AIMP1: variants seen among roughly 807,000 people sequenced by gnomAD.
AIMP1 encodes the protein aminoacyl tRNA synthase complex-interacting multifunctional protein 1.
Under a neutral mutation model 33.1 loss-of-function variants are expected in AIMP1, and 24 were observed. That is an observed-to-expected ratio of 0.73 (90% CI 0.53 to 1.02). The LOEUF is 1.02. AIMP1 is among the 50% of genes least tolerant of loss of function. AIMP1 has a pLI of 0.00. For synonymous variants in AIMP1, 120 were observed against 121.5 expected, an observed-to-expected ratio of 0.99 and a Z score of 0.08; for missense variants, 367 against 364.8, an observed-to-expected ratio of 1.01 and a Z score of -0.05.
chr4:106,321,053 T>C (rs748736016), intron 1 of AIMP1, among the ~76,000 whole-genome samples: 5 of 152,202 alleles, frequency 3.3e-5, no homozygotes, highest in Non-Finnish European at 7.3e-5. Context: ...CAGTGCTCAA[T>C]GTTGCCCATG....
At chr4:106,339,744 G>A (rs974363741) in intron 6 of AIMP1, among the ~76,000 whole-genome samples, 1 of 152,190 alleles carries the variant, frequency 6.6e-6, no homozygotes, top group African/African-American at 2.4e-5. Flanking sequence ...CTCTTATGCT[G>A]TAGATTGTCT....
rs1325753902 is a variant in AIMP1 at position 106,331,827 on chromosome 4, G to T, written c.547G>T (p.Glu183Ter). ...SLYVEEVDVG[E>*]IAPRTVVSGL... ...GTATGTGGAAGAAGTAGATGTCGGA[G>T]AAATAGCCCCAAGGACAGTTGTCAG... Residue 183 changes from glutamate (E) to a stop codon, truncating the protein, a stop_gained, in exon 5 of 7, where the codon GAA becomes TAA. Transcript: ENST00000672341. LOFTEE classifies it high-confidence loss of function. 1 of 1,614,128 alleles carries T rather than the reference G, an allele frequency of 6.2e-7. No homozygotes were observed. The highest frequency in any genetic ancestry group is 2.2e-5 in the East Asian group (1 of 44,866).
Position 106,331,825 on chromosome 4 carries a change from G to C in AIMP1, c.545G>C (p.Gly182Ala), listed in dbSNP as rs1461032552. Residue 182 changes from glycine (G) to alanine (A), a missense_variant, in exon 5 of 7, where the codon GGA becomes GCA. Transcript: ENST00000672341. ...TTGTATGTGGAAGAAGTAGATGTCG[G>C]AGAAATAGCCCCAAGGACAGTTGTC... ...DSLYVEEVDV[G>A]EIAPRTVVSG... 6.2e-7 allele frequency: 1 copy of C among 1,614,006 alleles called. No homozygotes were observed. The highest frequency in any genetic ancestry group is 1.3e-5 in the African/African-American group (1 of 74,912).
At chr4:106,333,666 T>C (rs1274550523) in intron 5 of AIMP1, among the ~76,000 whole-genome samples, 1 of 152,204 alleles carries the variant, frequency 6.6e-6, no homozygotes, top group African/African-American at 2.4e-5. Context: ...TATATAATAT[T>C]ATTCCCTATT....
In AIMP1 at chr4:106,342,905, CT is replaced by C. The variant is rs34629602; in HGVS notation, c.773-4604del. Among the ~76,000 whole-genome samples the C allele has an allele frequency of 4.6e-3, 590 of 128,296 alleles. 2 individuals are homozygous for C. Among genetic ancestry groups the C allele is most frequent in the African/African-American group, 0.01 (353 of 34,802 alleles). The allele number at this position is 128,296 out of a possible 152,430, so 84.2% of individuals were successfully genotyped here. A position where few individuals can be genotyped will look rare whatever the true frequency, so the allele number is the denominator to read the frequency against. On this transcript the variant is annotated intron_variant, in intron 6 of 6. Coordinates refer to ENST00000672341, the MANE Select transcript of AIMP1 (RefSeq NM_001142416.2). Reference sequence around the variant, plus strand: ...AGCTGCGAATCTATCCGATCCAGGGCTTTTTTTTTTTTTTTTTGAGACGGGG... The same window carrying C: ...AGCTGCGAATCTATCCGATCCAGGGCTTTTTTTTTTTTTTTTGAGACGGGG...
Position 106,322,586 on chromosome 4 carries a change from C to T in AIMP1, c.-25-2399C>T, listed in dbSNP as rs143914357. Among the ~76,000 whole-genome samples, 491 of 152,254 alleles carry T rather than the reference C, an allele frequency of 3.2e-3. 2 individuals carry two copies. The highest frequency in any genetic ancestry group is 7.3e-3 in the Admixed American group (111 of 15,300). ...GAGCACAGTTCTGTTAACACACAGA[C>T]GTAACTAGAAGTGAAATATTTTTAG... On this transcript the variant is annotated intron_variant, in intron 1 of 6. Transcript: ENST00000672341.
chr4:106,347,381 ATAAAG>A, intron 6 of AIMP1, 140 bp from the exon 7 acceptor site: 1 of 675,310 alleles, frequency 1.5e-6, no homozygotes, highest in Non-Finnish European at 2.3e-6. Context: ...CATAATAAAA[ATAAAG>A]TAAATGTTAA....
At chr4:106,331,191 C>T (rs1025250531) in intron 4 of AIMP1, among the ~76,000 whole-genome samples, 8 of 152,232 alleles carry the variant, frequency 5.3e-5, no homozygotes, top group Non-Finnish European at 1.0e-4. Flanking sequence ...GGTGTTCTTT[C>T]TAAATAAAGT....
chr4:106,334,485 A>C (rs1769800218), intron 5 of AIMP1, among the ~76,000 whole-genome samples: 1 of 151,920 alleles, frequency 6.6e-6, no homozygotes, highest in Non-Finnish European at 1.5e-5. Flanking sequence ...GGCTGGTCTC[A>C]AACTCCTGAC....
intron 4 of AIMP1, among the ~76,000 whole-genome samples, chr4:106,328,628 A>T (rs1051233908): frequency 6.6e-5 from 10 of 152,368 alleles, no homozygotes; most frequent in African/African-American, 2.4e-4. Context: ...ACATTCCACC[A>T]GTCAAAACAG....
At chr4:106,321,774 A>G (rs1188537991) in intron 1 of AIMP1, among the ~76,000 whole-genome samples, 4 of 152,032 alleles carry the variant, frequency 2.6e-5, no homozygotes, top group Non-Finnish European at 5.9e-5. Flanking sequence ...ATGTGGGGAA[A>G]AGAAAGAGAG....
intron 5 of AIMP1, among the ~76,000 whole-genome samples, chr4:106,334,159 C>A (rs1443763785): frequency 2.6e-5 from 4 of 152,232 alleles, no homozygotes; most frequent in African/African-American, 7.2e-5. Context: ...TGAACTTGAA[C>A]AAATCCCTGT....
chr4:106,343,462 T>G (rs1770178367), intron 6 of AIMP1, among the ~76,000 whole-genome samples: 1 of 152,232 alleles, frequency 6.6e-6, no homozygotes, highest in African/African-American at 2.4e-5. Flanking sequence ...GGAACTCATT[T>G]CTACTCTCCT....
Position 106,331,890 on chromosome 4 carries a change from T to C in AIMP1, c.603+7T>C. On this transcript the variant is annotated splice_region_variant and intron_variant, in intron 5 of 6. Coordinates refer to ENST00000672341, the MANE Select transcript of AIMP1 (RefSeq NM_001142416.2). ...TCATGTTCCTCTTGAACAGGTAATC[T>C]GTACAACTGAAATTCCTGTTGTGTA... The C allele has an allele frequency of 6.2e-7, 1 of 1,612,414 alleles. No individual in the cohort carries two copies. The highest frequency in any genetic ancestry group is 8.5e-7 in the Non-Finnish European group (1 of 1,178,452).
At chr4:106,338,556 G>A (rs1292112083) in intron 6 of AIMP1, among the ~76,000 whole-genome samples, 1 of 152,194 alleles carries the variant, frequency 6.6e-6, no homozygotes, top group African/African-American at 2.4e-5. Context: ...TGAGGTTCGG[G>A]AACCTCCGCC....
At chr4:106,317,181 A>G (rs1436983473) in intron 1 of AIMP1, among the ~76,000 whole-genome samples, 1 of 152,218 alleles carries the variant, frequency 6.6e-6, no homozygotes, top group East Asian at 1.9e-4. Context: ...ACTTTTAAGT[A>G]AAGGGCTGAC....
At chr4:106,322,011 C>CAT (rs1324099744) in intron 1 of AIMP1, among the ~76,000 whole-genome samples, 1 of 148,348 alleles carries the variant, frequency 6.7e-6, no homozygotes. Flanking sequence ...CTCTCTGAAA[C>CAT]GTGCTGTGTC....
Position 106,316,576 on chromosome 4 carries a change from C to T in AIMP1, c.-44C>T. On this transcript the variant is annotated 5_prime_UTR_variant, in exon 1 of 7. Transcript: ENST00000672341. ...CTTCCTGCTGTGGCTGTCTCGGAAC[C>T]CGTGGTCCTCCGCTTCATGTGAGTG... 6.4e-7 allele frequency: 1 copy of T among 1,551,486 alleles called. No individual in the cohort carries two copies. Among genetic ancestry groups the T allele is most frequent in the Non-Finnish European group, 8.7e-7 (1 of 1,146,900 alleles).
intron 2 of AIMP1, 108 bp from the exon 3 acceptor site, chr4:106,327,343 G>C: frequency 1.3e-6 from 1 of 756,134 alleles, no homozygotes; most frequent in Non-Finnish European, 2.3e-6. Context: ...GGTTACACTA[G>C]AGCTAGTATT....
Sources: allele counts gnomAD v4.1 joint callset (sites outside exome capture counted in the v4.1 genomes callset), GRCh38; gene constraint gnomAD v4.1.1; transcripts MANE v1.5; gene names NCBI Gene and HGNC (gene_info 2026-07-23, HGNC 2026-07-21).